Variants in STARD9 observed in about 807,000 individuals in gnomAD.
STARD9 encodes the protein StAR related lipid transfer domain containing 9, also known as stAR-related lipid transfer protein 9.
STARD9 carries 346 observed loss-of-function variants against 399.8 expected under a neutral mutation model. The observed-to-expected ratio is 0.87, with a 90% confidence interval of 0.79 to 0.95. The LOEUF (loss-of-function observed/expected upper bound fraction) is 0.95, where lower values mean the gene tolerates loss of function less well. Among genes scored for constraint, STARD9 ranks in the 40% least tolerant of loss-of-function variants. The probability of loss-of-function intolerance (pLI) is 0.00; values close to 1 mark genes in which losing one functional copy is unlikely to be tolerated. For synonymous variants in STARD9, 2,203 were observed against 2,143.5 expected (o/e 1.03, Z -0.77); for missense variants, 5,832 against 5,667.5 (o/e 1.03, Z -0.93).
intron 20 of STARD9, among the ~76,000 whole-genome samples, chr15:42,679,683 G>T (rs1189650896): frequency 6.6e-6 from 1 of 152,204 alleles, no homozygotes; most frequent in Non-Finnish European, 1.5e-5. Flanking sequence ...TTTAGGCTTT[G>T]TGGGCCATAT....
intron 3 of STARD9, chr15:42,629,741 G>A (rs2059291944): frequency 6.6e-6 from 1 of 152,154 alleles, no homozygotes; most frequent in South Asian, 2.1e-4. Flanking sequence ...GATACTAGCT[G>A]TGGATCCCTT....
At chr15:42,706,408 C>T (rs1019187125) in intron 26 of STARD9, among the ~76,000 whole-genome samples, 7 of 150,756 alleles carry the variant, frequency 4.6e-5, no homozygotes, top group African/African-American at 1.7e-4. Flanking sequence ...ATTCTCTAGA[C>T]CTGCACTACT....
Position 42,690,721 on chromosome 15 carries a change from C to G in STARD9, c.9143C>G (p.Ala3048Gly). The change falls in exon 23 of 33, where the codon GCT (alanine) becomes GGT (glycine). Residue 3048 changes from alanine (A) to glycine (G), a missense_variant. Transcript: ENST00000290607. ...AGCACTTGTGAGCCTTCTACTGTGG[C>G]TGCTGTCCTATCTCGAGCTCAAGGC... is the stretch of plus-strand genomic sequence containing the variant. ...ESSTCEPSTVAAVLSRAQGCR... is the reference protein window; with the variant it reads ...ESSTCEPSTVGAVLSRAQGCR... The G allele has an allele frequency of 6.5e-7, 1 of 1,537,266 alleles. No individual in the cohort carries two copies. Among genetic ancestry groups the G allele is most frequent in the Non-Finnish European group, 8.7e-7 (1 of 1,146,910 alleles).
rs1041866065 is a variant in STARD9, at chr15:42,612,259, G to A, written c.235-22597G>A. Among the ~76,000 whole-genome samples, 9 of 152,262 alleles carry A rather than the reference G, an allele frequency of 5.9e-5. No homozygotes were observed. In the East Asian group the frequency reaches 9.7e-4, roughly 16 times the overall value. ...TCCCAAAATGGTGGCATTACAGGCC[G>A]GAGCCACCTCGCCTGGCCCCTTATT... On this transcript the variant is annotated intron_variant, in intron 3 of 32. Coordinates refer to ENST00000290607, the MANE Select transcript of STARD9 (RefSeq NM_020759.3).
intron 18 of STARD9, 48 bp from the exon 19 acceptor site, chr15:42,675,616 C>A (rs1196273522): frequency 7.0e-7 from 1 of 1,429,220 alleles, no homozygotes; most frequent in African/African-American, 1.4e-5. Context: ...AGTATGTACT[C>A]CAAAACATGA....
rs563269212 is a variant in STARD9, at chr15:42,577,291, C to T, written c.47+1529C>T. Reference sequence around the variant, plus strand: ...GCCTCAGCCTCCCCAGCAGCTGGGACTACAGGCACCCGCCACCATGCCCGG... The same window carrying T: ...GCCTCAGCCTCCCCAGCAGCTGGGATTACAGGCACCCGCCACCATGCCCGG... On this transcript the variant is annotated intron_variant, in intron 1 of 32. Coordinates refer to ENST00000290607, the MANE Select transcript of STARD9 (RefSeq NM_020759.3). Among the ~76,000 whole-genome samples the T allele has an allele frequency of 1.8e-4, 28 of 152,170 alleles. No individual in the cohort carries two copies. The South Asian group carries it at 3.3e-3, about 18-fold the overall frequency.
chr15:42,710,057 CTTT>C (rs1218850356), intron 26 of STARD9, among the ~76,000 whole-genome samples: 13 of 119,904 alleles, frequency 1.1e-4, no homozygotes, highest in African/African-American at 1.9e-4. Context: ...CATGCCCTGT[CTTT>C]TTTTTTTTTT....
chr15:42,625,457 A>G (rs974539319), intron 3 of STARD9, among the ~76,000 whole-genome samples: 1 of 151,214 alleles, frequency 6.6e-6, no homozygotes, highest in South Asian at 2.1e-4. Context: ...CAGCCTTCCA[A>G]GTAGCTGGGA....
intron 3 of STARD9, among the ~76,000 whole-genome samples, chr15:42,618,502 G>T (rs1443739721): frequency 6.6e-6 from 1 of 151,654 alleles, no homozygotes; most frequent in African/African-American, 2.4e-5. Flanking sequence ...TTTCATCTAG[G>T]TTTCCAAATA....
chr15:42,605,064 A>C (rs2058701207), intron 3 of STARD9, among the ~76,000 whole-genome samples: 1 of 152,196 alleles, frequency 6.6e-6, no homozygotes, highest in African/African-American at 2.4e-5. Context: ...GTGAGTTTCC[A>C]AAAAGATCAA....
At chr15:42,636,580 CA>C (rs1264413894) in intron 4 of STARD9, among the ~76,000 whole-genome samples, 1 of 150,856 alleles carries the variant, frequency 6.6e-6, no homozygotes, top group Admixed American at 6.6e-5. Flanking sequence ...GACTTTGTCT[CA>C]AAAAAATAAA....
chr15:42,671,715 G>A (rs1414155678), intron 16 of STARD9: 2 of 152,142 alleles, frequency 1.3e-5, no homozygotes, highest in Non-Finnish European at 2.9e-5. Flanking sequence ...GGAAAAAAAG[G>A]GGTGGGGGGT....
At chr15:42,679,032 A>T (rs1281963481) in intron 20 of STARD9, among the ~76,000 whole-genome samples, 1 of 152,156 alleles carries the variant, frequency 6.6e-6, no homozygotes, top group Non-Finnish European at 1.5e-5. Flanking sequence ...GGTAAGGAGC[A>T]CCCCTTCTAG....
At chr15:42,707,392 C>T (rs1253508912) in intron 26 of STARD9, among the ~76,000 whole-genome samples, 1 of 151,876 alleles carries the variant, frequency 6.6e-6, no homozygotes, top group Non-Finnish European at 1.5e-5. Context: ...GTGGTAGTTG[C>T]ACACATGAAA....
chr15:42,667,342 G>A (rs12438056), intron 15 of STARD9, among the ~76,000 whole-genome samples: 12,127 of 150,650 alleles, frequency 0.08, 684 homozygotes, highest in Non-Finnish European at 0.11. Flanking sequence ...ACGCCACCAC[G>A]CCCGACTAAT....
intron 3 of STARD9, among the ~76,000 whole-genome samples, chr15:42,586,607 C>T (rs1279100654): frequency 6.6e-6 from 1 of 152,150 alleles, no homozygotes; most frequent in Non-Finnish European, 1.5e-5. Flanking sequence ...TATCAGGGTA[C>T]TTTGCAAAAG....
chr15:42,597,099 A>G (rs144387052), intron 3 of STARD9, among the ~76,000 whole-genome samples: 59 of 152,138 alleles, frequency 3.9e-4, no homozygotes, highest in African/African-American at 1.3e-3. Context: ...GTGTGTATAT[A>G]TATTTTGTTT....
chr15:42,626,339 T>C (rs987294886), intron 3 of STARD9, among the ~76,000 whole-genome samples: 1 of 147,782 alleles, frequency 6.8e-6, no homozygotes, highest in Non-Finnish European at 1.5e-5. Context: ...CTTCCTCTTC[T>C]TCCTCTTCCT....
At chr15:42,595,889 A>C (rs1161094587) in intron 3 of STARD9, among the ~76,000 whole-genome samples, 1 of 152,222 alleles carries the variant, frequency 6.6e-6, no homozygotes, top group African/African-American at 2.4e-5. Context: ...GTTTGGTTCC[A>C]TAAGCATGTC....
Sources: gnomAD v4.1 joint callset for allele counts (sites outside exome capture counted in the v4.1 genomes callset) on GRCh38, gnomAD v4.1.1 for gene constraint, MANE v1.5 for transcripts, NCBI Gene and HGNC (gene_info 2026-07-23, HGNC 2026-07-21) for gene names.